RIF1: variants seen among roughly 807,000 people sequenced by gnomAD.
RIF1 encodes the protein replication timing regulatory factor 1.
In RIF1, 45 loss-of-function variants were observed where a neutral mutation model predicts 247.1. The observed-to-expected ratio is 0.18, with a 90% CI of 0.14 to 0.23. RIF1 has a LOEUF of 0.23. RIF1 is among the 10% of genes least tolerant of loss of function. The probability of loss-of-function intolerance (pLI) is 1.00; values close to 1 mark genes in which losing one functional copy is unlikely to be tolerated. For synonymous variants in RIF1, 1,087 were observed against 978.8 expected, an observed-to-expected ratio of 1.11 and a Z score of -2.06; for missense variants, 2,967 against 2,862.5, an observed-to-expected ratio of 1.04 and a Z score of -0.83.
At position 151,493,625 on chromosome 2, in the gene RIF1, G is replaced by A. The variant is rs557748180; in HGVS notation, c.*416-1604G>A. 62 of 739,038 alleles carry A rather than the reference G, an allele frequency of 8.4e-5. No homozygotes were observed. In the East Asian group the frequency reaches 1.5e-3, roughly 18 times the overall value. 45.8% of individuals were successfully genotyped at this position (739,038 alleles called of 1,614,324 possible). On this transcript the variant is annotated intron_variant and NMD_transcript_variant, in intron 9 of 13. Transcript: ENST00000454583. Reference sequence around the variant, plus strand: ...AAAGAAGTAAAATCACTGTGACCTCGTGGGGTTGGTTTGTTGTTTTTAAGT... The same window carrying A: ...AAAGAAGTAAAATCACTGTGACCTCATGGGGTTGGTTTGTTGTTTTTAAGT...
the RIF1 span, among the ~76,000 whole-genome samples, chr2:151,528,643 A>G: frequency 2.6e-5 from 4 of 152,320 alleles, no homozygotes; most frequent in East Asian, 3.9e-4. Context: ...TTCGGTTACA[A>G]TGGTTTCATT....
intron 13 of RIF1, 66 bp from the exon 14 acceptor site, chr2:151,438,618 G>GTCTC: frequency 1.0e-6 from 1 of 967,346 alleles, no homozygotes; most frequent in East Asian, 2.4e-5. Flanking sequence ...TAAAGGGAGA[G>GTCTC]TGTTAGTCAT....
At chr2:151,438,635 T>C (rs1490086378) in intron 13 of RIF1, 49 bp from the exon 14 acceptor site, 1 of 1,145,028 alleles carries the variant, frequency 8.7e-7, no homozygotes, top group African/African-American at 1.5e-5. Flanking sequence ...TCATAGTACG[T>C]AGTCATATGT....
chr2:151,521,716 G>T, the RIF1 span, among the ~76,000 whole-genome samples: 4 of 152,168 alleles, frequency 2.6e-5, no homozygotes, highest in Non-Finnish European at 4.4e-5. Context: ...TTCCACTTCA[G>T]TTTCTTTTTC....
downstream of RIF1, chr2:151,485,906 T>C (rs776650831): frequency 1.2e-6 from 2 of 1,613,942 alleles, no homozygotes; most frequent in Non-Finnish European, 1.7e-6. Context: ...TCAGCAGCCA[T>C]ATAGTCATAC....
At chr2:151,453,474 A>C (rs926932397) in intron 21 of RIF1, among the ~76,000 whole-genome samples, 9 of 150,544 alleles carry the variant, frequency 6.0e-5, no homozygotes, top group African/African-American at 2.2e-4. Flanking sequence ...CTACTTGGGA[A>C]TCTGAGGCAG....
At chr2:151,487,992 C>G (rs1461163927) in intron 9 of RIF1, among the ~76,000 whole-genome samples, 3 of 151,998 alleles carry the variant, frequency 2.0e-5, no homozygotes, top group Admixed American at 6.6e-5. Flanking sequence ...GTATTATGTA[C>G]TTTATCTTAT....
At chr2:151,513,762 G>T in the RIF1 span, 6 of 1,102,168 alleles carry the variant, frequency 5.4e-6, no homozygotes, top group East Asian at 1.3e-4. Context: ...CATACAGGGT[G>T]AATGTAAATC....
chr2:151,462,202 C>T (rs199758389), intron 27 of RIF1, 40 bp from the exon 28 acceptor site: 16 of 679,242 alleles, frequency 2.4e-5, no homozygotes, highest in Non-Finnish European at 3.1e-5. Context: ...GTAAGAATAT[C>T]ATCCGGTTTT....
At position 151,463,885 on chromosome 2, in the gene RIF1, A is replaced by G. The variant is rs890561188; in HGVS notation, c.4365A>G (p.Pro1455=). The G allele has an allele frequency of 6.2e-6, 10 of 1,613,526 alleles. No individual in the cohort carries two copies. The highest frequency in any genetic ancestry group is 2.2e-5 in the East Asian group (1 of 44,890). The change falls in exon 30 of 36, where the codon CCA becomes CCG. Residue 1455 remains proline, a synonymous_variant. Transcript: ENST00000444746. ...AAGAAAAACCTCTTCAGAAGAGTCC[A>G]TTGCATATAAAAGATGATGTGTTAC... ...KEEEKPLQKS[P]LHIKDDVLPK...
chr2:151,425,660 C>CCT (rs1688925946), intron 8 of RIF1, among the ~76,000 whole-genome samples: 1 of 83,688 alleles, frequency 1.2e-5, no homozygotes, highest in African/African-American at 4.7e-5. Context: ...TTGTGGTACC[C>CCT]TTTTTTTTTT....
chr2:151,425,293 A>C (rs573466604), intron 8 of RIF1, among the ~76,000 whole-genome samples: 1 of 152,152 alleles, frequency 6.6e-6, no homozygotes, highest in East Asian at 1.9e-4. Context: ...TTGGATATGC[A>C]TCCCTTAGTT....
chr2:151,506,952 G>C, intron 13 of RIF1: 1 of 1,611,458 alleles, frequency 6.2e-7, no homozygotes, highest in Non-Finnish European at 8.5e-7. Context: ...CAGTATTTCT[G>C]GCGTGTCTTG....
intron 7 of RIF1, among the ~76,000 whole-genome samples, chr2:151,422,390 A>G (rs1002859816): frequency 1.3e-5 from 2 of 152,198 alleles, no homozygotes; most frequent in African/African-American, 2.4e-5. Flanking sequence ...TGATAAGACC[A>G]ACATAGTAAA....
At chr2:151,413,638 T>C (rs1235389403) in intron 3 of RIF1, among the ~76,000 whole-genome samples, 2 of 152,388 alleles carry the variant, frequency 1.3e-5, no homozygotes, top group African/African-American at 2.4e-5. Context: ...ATCCAGGAGA[T>C]ACACTAGTAG....
the RIF1 span, chr2:151,529,338 A>C: frequency 1.3e-6 from 2 of 1,488,748 alleles, no homozygotes; most frequent in African/African-American, 1.4e-5. Context: ...CACAGTGACA[A>C]GATTAATTTT....
At chr2:151,520,590 TGTG>T in the RIF1 span, among the ~76,000 whole-genome samples, 9 of 152,250 alleles carry the variant, frequency 5.9e-5, no homozygotes, top group African/African-American at 2.2e-4. Context: ...GATAGCCAGG[TGTG>T]GTGGCTCATG....
At chr2:151,456,456 CT>C in intron 22 of RIF1, 121 bp from the exon 23 acceptor site, 6 of 579,798 alleles carry the variant, frequency 1.0e-5, no homozygotes, top group East Asian at 3.4e-5. Flanking sequence ...CTTTGGGCAC[CT>C]TTTTATATCA....
intron 11 of RIF1, chr2:151,499,638 G>A: frequency 6.6e-6 from 2 of 302,012 alleles, no homozygotes; most frequent in South Asian, 4.4e-5. Flanking sequence ...CCTGTGCCAG[G>A]AATTAAGGAA....
Sources: gnomAD v4.1 joint callset for allele counts (sites outside exome capture counted in the v4.1 genomes callset) on GRCh38, gnomAD v4.1.1 for gene constraint, MANE v1.5 for transcripts, NCBI Gene and HGNC (gene_info 2026-07-23, HGNC 2026-07-21) for gene names.